The following LRBA variants were observed in gnomAD, a reference collection of about 807,000 sequenced individuals.
LRBA encodes the protein lipopolysaccharide-responsive and beige-like anchor protein.
Under a neutral mutation model 330.0 loss-of-function variants are expected in LRBA, and 176 were observed. The ratio of observed to expected loss-of-function variants is 0.53; its 90% CI spans 0.47 to 0.60. The LOEUF is 0.60. Among genes scored for constraint, LRBA ranks in the 20% least tolerant of loss-of-function variants. The pLI, the probability that LRBA is intolerant of heterozygous loss-of-function variation, is 0.00. For synonymous variants in LRBA, 1,230 were observed against 1,193.0 expected, an observed-to-expected ratio of 1.03 and a Z score of -0.64; for missense variants, 3,259 against 3,444.8, an observed-to-expected ratio of 0.95 and a Z score of 1.35.
intron 44 of LRBA, among the ~76,000 whole-genome samples, chr4:150,457,196 T>C (rs1165755936): frequency 1.3e-5 from 2 of 152,144 alleles, no homozygotes; most frequent in African/African-American, 2.4e-5. Flanking sequence ...ATGATAAATT[T>C]TGGATTCACA....
chr4:150,809,682 C>A (rs944723779), intron 31 of LRBA, among the ~76,000 whole-genome samples: 1 of 152,020 alleles, frequency 6.6e-6, no homozygotes, highest in Non-Finnish European at 1.5e-5. Context: ...CAGCAATGCC[C>A]GTCTCTACTA....
chr4:150,957,026 G>T (rs1737620668), intron 2 of LRBA, among the ~76,000 whole-genome samples: 1 of 148,816 alleles, frequency 6.7e-6, no homozygotes, highest in Non-Finnish European at 1.5e-5. Flanking sequence ...GTGTGCGTGT[G>T]TGTGTATGTG....
At chr4:150,756,068 A>T (rs2126431006) in intron 35 of LRBA, among the ~76,000 whole-genome samples, 1 of 151,476 alleles carries the variant, frequency 6.6e-6, no homozygotes, top group South Asian at 2.1e-4. Flanking sequence ...AAGACAGAAA[A>T]CTCTGATAGA....
intron 37 of LRBA, among the ~76,000 whole-genome samples, 185 bp from the exon 38 acceptor site, chr4:150,599,316 A>G (rs748747185): frequency 1.3e-5 from 2 of 152,170 alleles, no homozygotes; most frequent in Non-Finnish European, 2.9e-5. Flanking sequence ...GAAAATAACA[A>G]TATCACCTTC....
chr4:150,416,514 T>A (rs1747776416), intron 46 of LRBA, among the ~76,000 whole-genome samples: 1 of 152,216 alleles, frequency 6.6e-6, no homozygotes, highest in African/African-American at 2.4e-5. Flanking sequence ...TGACTTTGAA[T>A]TGTACATCCT....
intron 29 of LRBA, among the ~76,000 whole-genome samples, chr4:150,829,509 T>C (rs1746838957): frequency 6.6e-6 from 1 of 152,228 alleles, no homozygotes; most frequent in Non-Finnish European, 1.5e-5. Flanking sequence ...GGACTTCACA[T>C]AACAGCAACA....
chr4:150,372,372 G>A (rs926129919), intron 47 of LRBA, among the ~76,000 whole-genome samples: 1 of 151,918 alleles, frequency 6.6e-6, no homozygotes, highest in Non-Finnish European at 1.5e-5. Context: ...CAATTTGAGA[G>A]GCTGAGGTGG....
At chr4:150,568,005 C>G (rs1206751308) in intron 40 of LRBA, among the ~76,000 whole-genome samples, 3 of 152,016 alleles carry the variant, frequency 2.0e-5, no homozygotes, top group Non-Finnish European at 4.4e-5. Flanking sequence ...ACTGAAGCAT[C>G]AGTTCAAAGA....
chr4:150,799,896 C>A (rs1741349108), intron 33 of LRBA, among the ~76,000 whole-genome samples: 1 of 152,152 alleles, frequency 6.6e-6, no homozygotes, highest in Admixed American at 6.5e-5. Flanking sequence ...AGGCGCCCAC[C>A]ACCACACTTG....
At chr4:150,976,895 C>T (rs866005618) in intron 2 of LRBA, among the ~76,000 whole-genome samples, 3 of 152,182 alleles carry the variant, frequency 2.0e-5, no homozygotes, top group Non-Finnish European at 2.9e-5. Flanking sequence ...AATTAGCCAA[C>T]GTCCACCTAC....
intron 11 of LRBA, among the ~76,000 whole-genome samples, chr4:150,907,904 A>C (rs569813758): frequency 7.7e-4 from 118 of 152,268 alleles, no homozygotes; most frequent in Non-Finnish European, 1.4e-3. Flanking sequence ...TTTGACTTCC[A>C]ATTACATAAA....
intron 40 of LRBA, among the ~76,000 whole-genome samples, chr4:150,564,106 G>A (rs985891243): frequency 1.3e-5 from 2 of 152,082 alleles, no homozygotes; most frequent in African/African-American, 4.8e-5. Context: ...GAACAAAGCT[G>A]GAGGCATCAT....
At chr4:150,935,357 A>G (rs1734983922) in intron 2 of LRBA, among the ~76,000 whole-genome samples, 1 of 152,134 alleles carries the variant, frequency 6.6e-6, no homozygotes, top group Non-Finnish European at 1.5e-5. Flanking sequence ...TACCTATAAT[A>G]TCTAACAGAA....
chr4:150,725,997 T>C (rs1461849875), intron 36 of LRBA, among the ~76,000 whole-genome samples: 2 of 151,834 alleles, frequency 1.3e-5, no homozygotes, highest in Non-Finnish European at 2.9e-5. Flanking sequence ...ATAAAATGGG[T>C]ACACAAAATA....
intron 34 of LRBA, among the ~76,000 whole-genome samples, chr4:150,775,079 A>T (rs1284276113): frequency 6.6e-6 from 1 of 152,084 alleles, no homozygotes; most frequent in East Asian, 1.9e-4. Context: ...GAATGCCACC[A>T]CTTGGCTCCT....
At chr4:150,401,910 GGA>G (rs1266036039) in intron 47 of LRBA, among the ~76,000 whole-genome samples, 23 of 151,794 alleles carry the variant, frequency 1.5e-4, no homozygotes, top group Admixed American at 1.4e-3. Flanking sequence ...TGAAAAAAGA[GGA>G]GAGAGAGGAG....
At chr4:150,742,204 G>C (rs1048873447) in intron 35 of LRBA, among the ~76,000 whole-genome samples, 3 of 149,652 alleles carry the variant, frequency 2.0e-5, no homozygotes, top group Non-Finnish European at 4.4e-5. Flanking sequence ...GGAGTGCAGT[G>C]GTGCAATTAT....
chr4:150,706,572 C>A (rs1785642517), intron 36 of LRBA, among the ~76,000 whole-genome samples: 1 of 150,238 alleles, frequency 6.7e-6, no homozygotes, highest in African/African-American at 2.4e-5. Flanking sequence ...AATTGAGATC[C>A]ATGAGAGAAA....
At chr4:150,800,341 A>G (rs570365750) in intron 33 of LRBA, among the ~76,000 whole-genome samples, 43 of 152,324 alleles carry the variant, frequency 2.8e-4, no homozygotes, top group African/African-American at 1.0e-3. Context: ...AGAAAACAAG[A>G]GAGACCTGAT....
Sources: allele counts gnomAD v4.1 joint callset (sites outside exome capture counted in the v4.1 genomes callset), GRCh38; gene constraint gnomAD v4.1.1; transcripts MANE v1.5; gene names NCBI Gene and HGNC (gene_info 2026-07-23, HGNC 2026-07-21).